The following PARD3 variants were observed in gnomAD, a reference collection of about 807,000 sequenced individuals.
The protein encoded by PARD3 is par-3 family cell polarity regulator.
In PARD3, 75 loss-of-function variants were observed where a neutral mutation model predicts 155.4. The ratio of observed to expected loss-of-function variants is 0.48; its 90% confidence interval spans 0.40 to 0.58. PARD3 has a LOEUF of 0.58. PARD3 is among the 20% of genes least tolerant of loss of function. The pLI, the probability that PARD3 is intolerant of heterozygous loss-of-function variation, is 0.00. For missense variants in PARD3, 1,642 were observed against 1,721.7 expected, an observed-to-expected ratio of 0.95 and a Z score of 0.82; for synonymous variants, 576 against 610.5, an observed-to-expected ratio of 0.94 and a Z score of 0.83.
chr10:34,765,588 G>GA (rs1837989125), intron 1 of PARD3, among the ~76,000 whole-genome samples: 2 of 151,730 alleles, frequency 1.3e-5, no homozygotes, highest in Admixed American at 1.3e-4. Flanking sequence ...TGACACAGGA[G>GA]AATCACTTGA....
rs751627459 is a variant in PARD3, at chr10:34,378,014, C to A, written c.1492G>T (p.Ala498Ser). ...TTAAGTCGGCCATCCTGAATGGCCG[C>A]CCCCCGGGGGAGAATGTTTTTCACA... is the stretch of plus-strand genomic sequence containing the variant. ...IYVKNILPRGAAIQDGRLKAG... is the reference protein window; with the variant it reads ...IYVKNILPRGSAIQDGRLKAG... Residue 498 changes from alanine to serine, a missense_variant, in exon 10 of 25, where the codon GCG becomes TCG. By Grantham distance (99) the Ala-to-Ser change is moderately conservative. Coordinates refer to ENST00000374788, the MANE Select transcript of PARD3 (RefSeq NM_001184785.2). 6.3e-6 allele frequency: 10 copies of A among 1,583,428 alleles called. No homozygotes were observed. Among genetic ancestry groups the A allele is most frequent in the Admixed American group, 5.5e-5 (3 of 54,248 alleles).
intron 22 of PARD3, among the ~76,000 whole-genome samples, chr10:34,140,031 T>A (rs187241109): frequency 6.6e-6 from 1 of 152,304 alleles, no homozygotes; most frequent in African/African-American, 2.4e-5. Context: ...TGCTGTAAAT[T>A]AGTGAGCAAA....
chr10:34,438,469 A>G (rs10763992), intron 5 of PARD3, among the ~76,000 whole-genome samples: 71,740 of 152,060 alleles, frequency 0.47, 20,336 homozygotes, highest in Non-Finnish European at 0.62. Context: ...TCTACAGTTT[A>G]TAGCCCATAA....
intron 2 of PARD3, among the ~76,000 whole-genome samples, chr10:34,627,349 T>C (rs923394359): frequency 2.0e-5 from 3 of 152,138 alleles, no homozygotes; most frequent in African/African-American, 7.2e-5. Context: ...ATGAACTGAA[T>C]TGTGTTCCCC....
intron 1 of PARD3, among the ~76,000 whole-genome samples, chr10:34,721,319 T>C (rs1018398821): frequency 6.6e-6 from 1 of 152,184 alleles, no homozygotes. Context: ...TGTACCTCCA[T>C]CCTGTCTTTG....
At chr10:34,581,300 T>C (rs1266433031) in intron 2 of PARD3, among the ~76,000 whole-genome samples, 14 of 140,928 alleles carry the variant, frequency 9.9e-5, no homozygotes, top group Admixed American at 8.9e-4. Flanking sequence ...AGTGGCACGA[T>C]CTCGGCTCAC....
At chr10:34,630,640 A>G (rs1160743308) in intron 2 of PARD3, among the ~76,000 whole-genome samples, 1 of 151,404 alleles carries the variant, frequency 6.6e-6, no homozygotes. Context: ...TTGTGGAGTC[A>G]GCGTTTCACC....
intron 24 of PARD3, among the ~76,000 whole-genome samples, chr10:34,115,098 A>G (rs1946592429): frequency 6.6e-6 from 1 of 152,206 alleles, no homozygotes; most frequent in African/African-American, 2.4e-5. Context: ...TTAAGCCACC[A>G]GGATGAGGGG....
At chr10:34,406,894 T>C (rs1259894413) in intron 5 of PARD3, among the ~76,000 whole-genome samples, 2 of 152,136 alleles carry the variant, frequency 1.3e-5, no homozygotes, top group South Asian at 2.1e-4. Context: ...AATTGTCACA[T>C]TGCCATGTGC....
At chr10:34,359,346 C>CT in intron 13 of PARD3, 29 bp from the exon 14 acceptor site, 1 of 1,548,522 alleles carries the variant, frequency 6.5e-7, no homozygotes, top group East Asian at 2.3e-5. Context: ...AAAATAAGTG[C>CT]TATTAAACAG....
chr10:34,303,794 C>T (rs573491644), intron 20 of PARD3, among the ~76,000 whole-genome samples: 2 of 152,072 alleles, frequency 1.3e-5, no homozygotes, highest in African/African-American at 2.4e-5. Flanking sequence ...GTGAGCTGGG[C>T]GGCACTGACA....
At chr10:34,133,143 G>A (rs1037610153) in intron 22 of PARD3, among the ~76,000 whole-genome samples, 13 of 152,268 alleles carry the variant, frequency 8.5e-5, no homozygotes, top group African/African-American at 2.9e-4. Context: ...ACAAGGGCCT[G>A]GGTACCAAGG....
chr10:34,233,939 T>A lies in PARD3; in HGVS notation c.3419+35718A>T, dbSNP rs1953075847. Among the ~76,000 whole-genome samples, 4 of 152,094 alleles carry A rather than the reference T, an allele frequency of 2.6e-5. No homozygotes were observed. The South Asian group carries it at 8.3e-4, about 31-fold the overall frequency. The stretch of plus-strand genomic sequence containing the variant: ...GGAGCTGCCTTCTGCAGTTATTATC[T>A]CCAGTTACCCTGTGTTGCCTTTTTC... On this transcript the variant is annotated intron_variant, in intron 22 of 24. Coordinates refer to ENST00000374788, the MANE Select transcript of PARD3 (RefSeq NM_001184785.2).
chr10:34,746,406 C>G (rs1034361038), intron 1 of PARD3, among the ~76,000 whole-genome samples: 1 of 151,972 alleles, frequency 6.6e-6, no homozygotes, highest in Admixed American at 6.6e-5. Flanking sequence ...GTATGATCAC[C>G]CAGCTGCACT....
chr10:34,526,426 A>C (rs1029846619), intron 2 of PARD3, among the ~76,000 whole-genome samples: 4 of 152,178 alleles, frequency 2.6e-5, no homozygotes, highest in African/African-American at 9.7e-5. Flanking sequence ...ACAACCCAGA[A>C]ACATAGCAGG....
At chr10:34,665,521 A>G (rs1385490880) in intron 2 of PARD3, among the ~76,000 whole-genome samples, 1 of 152,030 alleles carries the variant, frequency 6.6e-6, no homozygotes, top group Non-Finnish European at 1.5e-5. Context: ...ACTACATCAC[A>G]AAAAAATTTT....
At chr10:34,797,220 A>G (rs1842363725) in intron 1 of PARD3, among the ~76,000 whole-genome samples, 1 of 152,154 alleles carries the variant, frequency 6.6e-6, no homozygotes. Flanking sequence ...GCACAACCAT[A>G]ACTGACTGCA....
intron 5 of PARD3, among the ~76,000 whole-genome samples, chr10:34,415,912 C>T (rs1407956340): frequency 6.6e-6 from 1 of 152,114 alleles, no homozygotes; most frequent in African/African-American, 2.4e-5. Context: ...ATGGAGGGTA[C>T]CCTCAGAGGG....
In PARD3 at chr10:34,269,852, C is replaced by G; in HGVS notation, c.3224G>C (p.Arg1075Pro). ...AAAATCTTGAATTTCAGCATAGTCA[C>G]GCTCTCGAGCTTGTCGTTCCCTAAA... ...REFRERQARE[R>P]DYAEIQDFHR... Residue 1075 changes from arginine (R) to proline (P), a missense_variant, in exon 22 of 25, where the codon CGT (arginine) becomes CCT (proline). Around this residue, in one of 3 missense-constraint regions of PARD3, gnomAD observed 1,529 missense variants for 1,587.3 expected, o/e 0.96. Coordinates refer to ENST00000374788, the MANE Select transcript of PARD3 (RefSeq NM_001184785.2). 1 of 1,613,818 alleles carries G rather than the reference C, an allele frequency of 6.2e-7. No individual in the cohort carries two copies. The highest frequency in any genetic ancestry group is 2.2e-5 in the East Asian group (1 of 44,830).
Sources: gnomAD v4.1 joint callset for allele counts (sites outside exome capture counted in the v4.1 genomes callset) on GRCh38, gnomAD v4.1.1 for gene constraint, gnomAD v4.1.1 regional missense constraint, MANE v1.5 for transcripts, NCBI Gene and HGNC (gene_info 2026-07-23, HGNC 2026-07-21) for gene names.